OR1J4: variants seen among roughly 807,000 people sequenced by gnomAD.
OR1J4 encodes the protein olfactory receptor family 1 subfamily J member 4.
For synonymous variants in OR1J4, 154 were observed against 152.6 expected, an observed-to-expected ratio of 1.01 and a Z score of -0.07; for missense variants, 350 against 371.1, an observed-to-expected ratio of 0.94 and a Z score of 0.47.
Position 122,519,295 on chromosome 9 carries a change from A to T in OR1J4, c.155A>T (p.Asp52Val). The T allele has an allele frequency of 1.2e-6, 2 of 1,613,094 alleles. No homozygotes were observed. The highest frequency in any genetic ancestry group is 1.7e-6 in the Non-Finnish European group (2 of 1,179,810). Residue 52 changes from aspartate to valine, a missense_variant, in exon 1 of 1, where the codon GAC becomes GTC. Transcript: ENST00000340750. ...CTCATCATCCTGCTCATCCGGCTGG[A>T]CTCTCACCTTCACACCCCCATGTTC... ...NLLIILLIRL[D>V]SHLHTPMFFF... is the part of the protein sequence containing the mutation.
rs930733621 is a variant in OR1J4, at chr9:122,519,376, C to G, written c.236C>G (p.Pro79Arg). 5 of 1,614,004 alleles carry G rather than the reference C, an allele frequency of 3.1e-6. No individual in the cohort carries two copies. In the African/African-American group the frequency reaches 6.7e-5, roughly 22 times the overall value. Residue 79 changes from proline to arginine, a missense_variant, in exon 1 of 1, where the codon CCA becomes CGA. Physicochemically the swap from Pro to Arg is moderately radical, Grantham distance 103. Coordinates refer to ENST00000340750, the MANE Select transcript of OR1J4 (RefSeq NM_001004452.1). Reference sequence around the variant, plus strand: ...ATCTCCCTTTCATCTGTCACTGTCCCAAAGATGTTATTAAGCATGCAAACT... The same window carrying G: ...ATCTCCCTTTCATCTGTCACTGTCCGAAAGATGTTATTAAGCATGCAAACT... The part of the protein sequence containing the change: ...TDISLSSVTV[P>R]KMLLSMQTQD...
In OR1J4 at chr9:122,519,346, C is replaced by T; in HGVS notation, c.206C>T (p.Thr69Ile). 1 of 1,614,174 alleles carries T rather than the reference C, an allele frequency of 6.2e-7. No individual in the cohort carries two copies. The highest frequency in any genetic ancestry group is 1.7e-5 in the Admixed American group (1 of 60,034). ...TTCTTCCTCAGCCACTTGGCTCTCA[C>T]TGACATCTCCCTTTCATCTGTCACT... ...MFFFLSHLAL[T>I]DISLSSVTVP... The change falls in exon 1 of 1, where the codon ACT becomes ATT. Residue 69 changes from threonine to isoleucine, a missense_variant. Coordinates refer to ENST00000340750, the MANE Select transcript of OR1J4 (RefSeq NM_001004452.1).
At position 122,519,148 on chromosome 9, in the gene OR1J4, G is replaced by A. The variant is rs772122141; in HGVS notation, c.8G>A (p.Arg3Lys). 1 of 1,595,556 alleles carries A rather than the reference G, an allele frequency of 6.3e-7. No individual in the cohort carries two copies. The highest frequency in any genetic ancestry group is 8.6e-7 in the Non-Finnish European group (1 of 1,166,548). ...AGAGAGAAGACTGTCAGCATGAAGA[G>A]GGAGAATCAGAGCAGTGTGTCTGAG... MK[R>K]ENQSSVSEFL... Residue 3 changes from arginine to lysine, a missense_variant, in exon 1 of 1, where the codon AGG becomes AAG. Arg to Lys is a conservative substitution (Grantham distance 26, BLOSUM62 2). Coordinates refer to ENST00000340750, the MANE Select transcript of OR1J4 (RefSeq NM_001004452.1).
rs1828744115 is a variant in OR1J4 at position 122,519,427 on chromosome 9, G to A, written c.287G>A (p.Gly96Glu). 6.2e-7 allele frequency: 1 copy of A among 1,614,008 alleles called. No individual in the cohort carries two copies. The highest frequency in any genetic ancestry group is 8.5e-7 in the Non-Finnish European group (1 of 1,180,014). The change falls in exon 1 of 1, where the codon GGG (glycine) becomes GAG (glutamate). Residue 96 changes from glycine to glutamate, a missense_variant. Coordinates refer to ENST00000340750, the MANE Select transcript of OR1J4 (RefSeq NM_001004452.1). ...QTQDQSILYA[G>E]CVTQMYFFIF... is the part of the protein sequence containing the mutation. Reference sequence around the variant, plus strand: ...CAGGATCAATCCATTCTTTATGCAGGGTGTGTAACTCAGATGTATTTTTTC... The same window carrying A: ...CAGGATCAATCCATTCTTTATGCAGAGTGTGTAACTCAGATGTATTTTTTC...
chr9:122,519,371 T>G lies in OR1J4; in HGVS notation c.231T>G (p.Thr77=). 1 of 1,614,208 alleles carries G rather than the reference T, an allele frequency of 6.2e-7. No individual in the cohort carries two copies. Among genetic ancestry groups the G allele is most frequent in the Non-Finnish European group, 8.5e-7 (1 of 1,180,032 alleles). ...ALTDISLSSV[T]VPKMLLSMQT... ...CTGACATCTCCCTTTCATCTGTCAC[T>G]GTCCCAAAGATGTTATTAAGCATGC... Residue 77 remains threonine, a synonymous_variant, in exon 1 of 1, where the codon ACT becomes ACG. Transcript: ENST00000340750.
In OR1J4 at chr9:122,519,467, T is replaced by C. The variant is rs146651684; in HGVS notation, c.327T>C (p.Asp109=). ...TGTATTTTTTCATATTTTTCACTGA[T>C]CTAGACAATTTCCTTCTCACTTCAA... ...TQMYFFIFFT[D]LDNFLLTSMA... The change falls in exon 1 of 1, where the codon GAT becomes GAC. Residue 109 remains aspartate (D), a synonymous_variant. Coordinates refer to ENST00000340750, the MANE Select transcript of OR1J4 (RefSeq NM_001004452.1). 17 of 1,614,014 alleles carry C rather than the reference T, an allele frequency of 1.1e-5. No homozygotes were observed. The highest frequency in any genetic ancestry group is 1.4e-5 in the Non-Finnish European group (17 of 1,180,010).
In OR1J4 at chr9:122,519,604, A is replaced by G. The variant is rs776169550; in HGVS notation, c.464A>G (p.Asn155Ser). 1 of 1,613,952 alleles carries G rather than the reference A, an allele frequency of 6.2e-7. No individual in the cohort carries two copies. The highest frequency in any genetic ancestry group is 8.5e-7 in the Non-Finnish European group (1 of 1,179,968). Reference protein sequence around the residue: ...VTVSWILSCTNALSHTLLLAQ... With the variant: ...VTVSWILSCTSALSHTLLLAQ... ...GTGTCCTGGATCCTCTCCTGTACCA[A>G]TGCCCTGTCTCACACTCTCCTCCTG... The change falls in exon 1 of 1, where the codon AAT becomes AGT. Residue 155 changes from asparagine to serine, a missense_variant. By Grantham distance (46) the Asn-to-Ser change is conservative. Coordinates refer to ENST00000340750, the MANE Select transcript of OR1J4 (RefSeq NM_001004452.1).
At position 122,519,501 on chromosome 9, in the gene OR1J4, G is replaced by A. The variant is rs116874912; in HGVS notation, c.361G>A (p.Asp121Asn). The change falls in exon 1 of 1, where the codon GAT becomes AAT. Residue 121 changes from aspartate (D) to asparagine (N), a missense_variant. Coordinates refer to ENST00000340750, the MANE Select transcript of OR1J4 (RefSeq NM_001004452.1). The stretch of plus-strand genomic sequence containing the variant: ...TTTCCTTCTCACTTCAATGGCATAC[G>A]ATCGGTATGTGGCCATCTGTCACCC... ...DNFLLTSMAYDRYVAICHPLR... is the reference protein window; with the variant it reads ...DNFLLTSMAYNRYVAICHPLR... The A allele has an allele frequency of 6.4e-4, 1,026 of 1,613,916 alleles. 3 individuals carry two copies. The highest frequency in any genetic ancestry group is 1.4e-3 in the South Asian group (124 of 91,058).
chr9:122,519,986 C>T lies in OR1J4; in HGVS notation c.846C>T (p.Thr282=), dbSNP rs753474604. 1.9e-6 allele frequency: 3 copies of T among 1,614,122 alleles called. No individual in the cohort carries two copies. Among genetic ancestry groups the T allele is most frequent in the Non-Finnish European group, 2.5e-6 (3 of 1,180,004 alleles). ...CCTCTGTGATGTACACGGTGATCAC[C>T]CCATTGCTGAATCCCTTCATTTATA... The part of the protein sequence containing the change: ...VIASVMYTVI[T]PLLNPFIYSL... The change falls in exon 1 of 1, where the codon ACC becomes ACT. Residue 282 remains threonine, a synonymous_variant. Coordinates refer to ENST00000340750, the MANE Select transcript of OR1J4 (RefSeq NM_001004452.1).
chr9:122,519,936 GC>G lies in OR1J4; in HGVS notation c.798del (p.Ser267ProfsTer6). The G allele has an allele frequency of 6.2e-7, 1 of 1,614,086 alleles. No individual in the cohort carries two copies. Among genetic ancestry groups the G allele is most frequent in the Non-Finnish European group, 8.5e-7 (1 of 1,180,026 alleles). ...IGLYFLPSSS[A>X]SSDKDVIASV... ...ACTGTATTTTCTCCCCTCATCCAGT[GC>G]CTCCAGTGACAAGGACGTAATTGCC... On this transcript the variant is annotated frameshift_variant, in exon 1 of 1. Transcript: ENST00000340750. LOFTEE classifies it low-confidence loss of function (END_TRUNC).
Position 122,519,910 on chromosome 9 carries a change from G to A in OR1J4, c.770G>A (p.Gly257Glu), listed in dbSNP as rs866164738. The A allele has an allele frequency of 6.2e-7, 1 of 1,614,030 alleles. No individual in the cohort carries two copies. The highest frequency in any genetic ancestry group is 8.5e-7 in the Non-Finnish European group (1 of 1,180,010). The change falls in exon 1 of 1, where the codon GGA becomes GAA. Residue 257 changes from glycine (G) to glutamate (E), a missense_variant. Gly to Glu is a moderately conservative substitution (Grantham distance 98). Transcript: ENST00000340750. Reference sequence around the variant, plus strand: ...TCTCTGTATTATGGCACAATTATTGGACTGTATTTTCTCCCCTCATCCAGT... The same window carrying A: ...TCTCTGTATTATGGCACAATTATTGAACTGTATTTTCTCCCCTCATCCAGT... ...VVSLYYGTII[G>E]LYFLPSSSAS...
chr9:122,519,262 G>C lies in OR1J4; in HGVS notation c.122G>C (p.Gly41Ala). The C allele has an allele frequency of 1.9e-6, 3 of 1,613,876 alleles. No individual in the cohort carries two copies. The highest frequency in any genetic ancestry group is 2.5e-6 in the Non-Finnish European group (3 of 1,179,996). ...GGCATGTACCTGATCACGGTGCTGG[G>C]GAACCTGCTCATCATCCTGCTCATC... is the stretch of plus-strand genomic sequence containing the variant. ...FLGMYLITVL[G>A]NLLIILLIRL... The change falls in exon 1 of 1, where the codon GGG becomes GCG. Residue 41 changes from glycine to alanine, a missense_variant. Coordinates refer to ENST00000340750, the MANE Select transcript of OR1J4 (RefSeq NM_001004452.1).
At position 122,519,207 on chromosome 9, in the gene OR1J4, C is replaced by T; in HGVS notation, c.67C>T (p.Gln23Ter). 1 of 1,614,074 alleles carries T rather than the reference C, an allele frequency of 6.2e-7. No individual in the cohort carries two copies. Among genetic ancestry groups the T allele is most frequent in the Non-Finnish European group, 8.5e-7 (1 of 1,179,980 alleles). Residue 23 changes from glutamine (Q) to a stop codon, truncating the protein, a stop_gained, in exon 1 of 1, where the codon CAG becomes TAG. Transcript: ENST00000340750. LOFTEE classifies it low-confidence loss of function (END_TRUNC). ...LLLDLPIWPE[Q>*]QAVFFTLFLG... ...CCTGGACCTCCCCATCTGGCCAGAG[C>T]AGCAGGCTGTGTTCTTCACCCTGTT...
rs781406179 is a variant in OR1J4 at position 122,519,355 on chromosome 9, C to T, written c.215C>T (p.Ser72Phe). 1 of 1,614,148 alleles carries T rather than the reference C, an allele frequency of 6.2e-7. No homozygotes were observed. The highest frequency in any genetic ancestry group is 1.1e-5 in the South Asian group (1 of 91,074). Reference protein sequence around the residue: ...FLSHLALTDISLSSVTVPKML... With the variant: ...FLSHLALTDIFLSSVTVPKML... ...AGCCACTTGGCTCTCACTGACATCT[C>T]CCTTTCATCTGTCACTGTCCCAAAG... The change falls in exon 1 of 1, where the codon TCC becomes TTC. Residue 72 changes from serine to phenylalanine, a missense_variant. Coordinates refer to ENST00000340750, the MANE Select transcript of OR1J4 (RefSeq NM_001004452.1).
Position 122,519,873 on chromosome 9 carries a change from C to T in OR1J4, c.733C>T (p.Leu245Phe), listed in dbSNP as rs138720108. The stretch of plus-strand genomic sequence containing the variant: ...AGCTTTGTCCACCTGTGGCTCTCAC[C>T]TCTCTGTGGTGTCTCTGTATTATGG... Reference protein sequence around the residue: ...FKALSTCGSHLSVVSLYYGTI... With the variant: ...FKALSTCGSHFSVVSLYYGTI... Residue 245 changes from leucine (L) to phenylalanine (F), a missense_variant, in exon 1 of 1, where the codon CTC becomes TTC. Leu to Phe is a conservative substitution (Grantham distance 22, BLOSUM62 0). Coordinates refer to ENST00000340750, the MANE Select transcript of OR1J4 (RefSeq NM_001004452.1). The T allele has an allele frequency of 3.7e-6, 6 of 1,614,066 alleles. No individual in the cohort carries two copies. The highest frequency in any genetic ancestry group is 1.7e-5 in the Admixed American group (1 of 60,002).
At position 122,519,505 on chromosome 9, in the gene OR1J4, G is replaced by A. The variant is rs752091800; in HGVS notation, c.365G>A (p.Arg122Gln). 4.0e-5 allele frequency: 64 copies of A among 1,613,828 alleles called. No individual in the cohort carries two copies. Among genetic ancestry groups the A allele is most frequent in the Middle Eastern group, 3.3e-4 (2 of 6,084 alleles). The change falls in exon 1 of 1, where the codon CGG (arginine) becomes CAG (glutamine). Residue 122 changes from arginine to glutamine, a missense_variant. Physicochemically the swap from Arg to Gln is conservative, Grantham distance 43 (BLOSUM62 1). Coordinates refer to ENST00000340750, the MANE Select transcript of OR1J4 (RefSeq NM_001004452.1). ...NFLLTSMAYD[R>Q]YVAICHPLRY... The stretch of plus-strand genomic sequence containing the variant: ...CTTCTCACTTCAATGGCATACGATC[G>A]GTATGTGGCCATCTGTCACCCCCTC...
chr9:122,519,182 C>A lies in OR1J4; in HGVS notation c.42C>A (p.Leu14=). 1.2e-6 allele frequency: 2 copies of A among 1,613,326 alleles called. No individual in the cohort carries two copies. The highest frequency in any genetic ancestry group is 1.7e-6 in the Non-Finnish European group (2 of 1,179,398). Residue 14 remains leucine, a synonymous_variant, in exon 1 of 1, where the codon CTC becomes CTA. Transcript: ENST00000340750. ...AGAGCAGTGTGTCTGAGTTCCTCCTCCTGGACCTCCCCATCTGGCCAGAGC... is the reference window on the plus strand; with the variant it reads ...AGAGCAGTGTGTCTGAGTTCCTCCTACTGGACCTCCCCATCTGGCCAGAGC... ...ENQSSVSEFL[L]LDLPIWPEQQ...
rs1192908284 is a variant in OR1J4, at chr9:122,519,914, G to A, written c.774G>A (p.Leu258=). Residue 258 remains leucine, a synonymous_variant, in exon 1 of 1, where the codon CTG becomes CTA. Coordinates refer to ENST00000340750, the MANE Select transcript of OR1J4 (RefSeq NM_001004452.1). ...VSLYYGTIIG[L]YFLPSSSASS... ...TGTATTATGGCACAATTATTGGACT[G>A]TATTTTCTCCCCTCATCCAGTGCCT... The A allele has an allele frequency of 1.2e-6, 2 of 1,614,124 alleles. No homozygotes were observed. The highest frequency in any genetic ancestry group is 8.5e-7 in the Non-Finnish European group (1 of 1,180,024).
In OR1J4 at chr9:122,519,778, G is replaced by A. The variant is rs769279903; in HGVS notation, c.638G>A (p.Cys213Tyr). Residue 213 changes from cysteine to tyrosine, a missense_variant, in exon 1 of 1, where the codon TGC becomes TAC. Coordinates refer to ENST00000340750, the MANE Select transcript of OR1J4 (RefSeq NM_001004452.1). Reference protein sequence around the residue: ...GQAVITLPLICILISYGHIGV... With the variant: ...GQAVITLPLIYILISYGHIGV... ...GCAGTCATTACTCTACCACTAATAT[G>A]CATCTTGATCTCTTATGGCCACATT... 5 of 1,614,122 alleles carry A rather than the reference G, an allele frequency of 3.1e-6. No individual in the cohort carries two copies. Among genetic ancestry groups the A allele is most frequent in the Non-Finnish European group, 4.2e-6 (5 of 1,180,022 alleles).
Sources: gnomAD v4.1 joint callset for allele counts on GRCh38, gnomAD v4.1.1 for gene constraint, MANE v1.5 for transcripts, NCBI Gene and HGNC (gene_info 2026-07-23, HGNC 2026-07-21) for gene names.